The following POLL variants were observed in gnomAD, a reference collection of about 807,000 sequenced individuals.
POLL encodes the protein DNA polymerase lambda, also known as DNA polymerase beta-2.
In POLL, 44 loss-of-function variants were observed where a neutral mutation model predicts 58.1. That is an observed-to-expected ratio of 0.76 (90% CI 0.60 to 0.97). The LOEUF (loss-of-function observed/expected upper bound fraction) is 0.97. POLL is among the 50% of genes least tolerant of loss of function. POLL has a pLI of 0.00. For missense variants in POLL, 632 were observed against 736.8 expected, an observed-to-expected ratio of 0.86 and a Z score of 1.65; for synonymous variants, 290 against 283.2, an observed-to-expected ratio of 1.02 and a Z score of -0.24.
At position 101,580,096 on chromosome 10, in the gene POLL, T is replaced by C; in HGVS notation, c.1363+152A>G. ...CTGTTCCATCTCTCCCTGGAGAGGA[T>C]TCCGGCCCCGATAGAGAGATGGGAT... On this transcript the variant is annotated intron_variant, in intron 8 of 8. Coordinates refer to ENST00000370162, the MANE Select transcript of POLL (RefSeq NM_001174084.2). This position sits in a 1 kb window ranked among gnomAD's most constrained non-coding sequence, Gnocchi z 4.1. 1 of 744,994 alleles carries C rather than the reference T, an allele frequency of 1.3e-6. No homozygotes were observed. The highest frequency in any genetic ancestry group is 2.7e-5 in the East Asian group (1 of 37,090). The allele number at this position is 744,994 out of a possible 1,614,324, so 46.1% of individuals were successfully genotyped here.
At chr10:101,587,484 G>C (rs767458721) in intron 1 of POLL, 78 bp from the exon 2 acceptor site, 4 of 1,522,658 alleles carry the variant, frequency 2.6e-6, no homozygotes, top group African/African-American at 1.4e-5. Context: ...CCAGGCTTTG[G>C]GGGTAGCAGC....
intron 7 of POLL, 117 bp downstream of exon 7, chr10:101,582,646 T>C: frequency 9.4e-7 from 1 of 1,059,148 alleles, no homozygotes; most frequent in Non-Finnish European, 1.4e-6. Context: ...CCTCTGGTGA[T>C]CCACAGTTTC....
rs888132377 is a variant in POLL, at chr10:101,579,705, G to A, written c.1476C>T (p.Ile492=). 2.5e-6 allele frequency: 4 copies of A among 1,613,704 alleles called. No individual in the cohort carries two copies. Among genetic ancestry groups the A allele is most frequent in the Admixed American group, 1.7e-5 (1 of 60,002 alleles). ...PGRRHRRLDI[I]VVPYSEFACA... Reference sequence around the variant, plus strand: ...AGGCAAACTCGCTATAGGGCACCACGATGATGTCCAGGCGCCGGTGCCGCC... The same window carrying A: ...AGGCAAACTCGCTATAGGGCACCACAATGATGTCCAGGCGCCGGTGCCGCC... Residue 492 remains isoleucine, a synonymous_variant, in exon 9 of 9, where the codon ATC becomes ATT. Transcript: ENST00000370162. The surrounding 1 kb of genome is among the most constrained non-coding windows in gnomAD (Gnocchi z 4.4).
chr10:101,580,470 C>A lies in POLL; in HGVS notation c.1195-54G>T. ...GGCTGTGCGTGGGGAGCTCCTCTCC[C>A]ACAGCAGTACAAGGGCCTTCCCAGA... is the stretch of plus-strand genomic sequence containing the variant. On this transcript the variant is annotated intron_variant, in intron 7 of 8. Transcript: ENST00000370162. This position sits in a 1 kb window ranked among gnomAD's most constrained non-coding sequence, Gnocchi z 4.1. The A allele has an allele frequency of 6.5e-7, 1 of 1,547,164 alleles. No individual in the cohort carries two copies. Among genetic ancestry groups the A allele is most frequent in the South Asian group, 1.2e-5 (1 of 86,856 alleles).
In POLL at chr10:101,584,746, C is replaced by T. The variant is rs780958322; in HGVS notation, c.747G>A (p.Ala249=). The change falls in exon 5 of 9, where the codon GCG becomes GCA. Residue 249 remains alanine, a synonymous_variant. Coordinates refer to ENST00000370162, the MANE Select transcript of POLL (RefSeq NM_001174084.2). ...CTGTGATATGGAGGTTGTGATTGGT[C>T]GCCTTCTGGCTTGAGGGCTGTGCAC... is the stretch of plus-strand genomic sequence containing the variant. ...WVCAQPSSQK[A]TNHNLHITEK... 8 of 1,613,918 alleles carry T rather than the reference C, an allele frequency of 5.0e-6. No individual in the cohort carries two copies. In the African/African-American group the frequency reaches 9.3e-5, roughly 19 times the overall value.
Position 101,585,967 on chromosome 10 carries a change from TG to T in POLL, c.304del (p.Gln102SerfsTer9). On this transcript the variant is annotated frameshift_variant, in exon 3 of 9. Coordinates refer to ENST00000370162, the MANE Select transcript of POLL (RefSeq NM_001174084.2). LOFTEE classifies it high-confidence loss of function. ...CACCAGCTGAGCACCCGGGGGCAGCTGGGGTAGTCTGAGAAGGCGGAGGGCT... is the reference window on the plus strand; with the variant it reads ...CACCAGCTGAGCACCCGGGGGCAGCTGGGTAGTCTGAGAAGGCGGAGGGCT... ...ERALRLLRLP[Q>X]LPPGAQLVKS... 2 of 1,614,106 alleles carry T rather than the reference TG, an allele frequency of 1.2e-6. No homozygotes were observed. Among genetic ancestry groups the T allele is most frequent in the South Asian group, 1.1e-5 (1 of 91,066 alleles).
rs1280764774 is a variant in POLL, at chr10:101,580,539, T to A, written c.1195-123A>T. The A allele has an allele frequency of 2.4e-6, 2 of 816,914 alleles. No homozygotes were observed. The highest frequency in any genetic ancestry group is 3.9e-6 in the Non-Finnish European group (2 of 518,870). The allele number at this position is 816,914 out of a possible 1,614,324, so 50.6% of individuals were successfully genotyped here. On this transcript the variant is annotated intron_variant, in intron 7 of 8. Coordinates refer to ENST00000370162, the MANE Select transcript of POLL (RefSeq NM_001174084.2). This position sits in a 1 kb window ranked among gnomAD's most constrained non-coding sequence, Gnocchi z 4.1. Reference sequence around the variant, plus strand: ...GCTTATGCCCATTCCAGATGCCTGCTGCAAGCCCAGGGGAATCCACCCTGA... The same window carrying A: ...GCTTATGCCCATTCCAGATGCCTGCAGCAAGCCCAGGGGAATCCACCCTGA...
chr10:101,583,390 T>C, intron 6 of POLL, 118 bp downstream of exon 6: 1 of 1,108,542 alleles, frequency 9.0e-7, no homozygotes. Context: ...CTCCCTATAC[T>C]GTGGGTGCAT....
At position 101,580,688 on chromosome 10, in the gene POLL, GC is replaced by G; in HGVS notation, c.1195-273del. 2.5e-6 allele frequency: 1 copy of G among 402,490 alleles called. No individual in the cohort carries two copies. The highest frequency in any genetic ancestry group is 2.0e-5 in the African/African-American group (1 of 48,806). The allele number at this position is 402,490 out of a possible 1,614,324, so 24.9% of individuals were successfully genotyped here. A position where few individuals can be genotyped will look rare whatever the true frequency, so the allele number is the denominator to read the frequency against. On this transcript the variant is annotated intron_variant, in intron 7 of 8. Transcript: ENST00000370162. The surrounding 1 kb of genome is among the most constrained non-coding windows in gnomAD (Gnocchi z 4.1). Reference sequence around the variant, plus strand: ...GCTTCTGAGAGTGGGCACTGAGCTTGCCCTGTGGAGCTCTTTAAGAGTAGGG... The same window carrying G: ...GCTTCTGAGAGTGGGCACTGAGCTTGCCTGTGGAGCTCTTTAAGAGTAGGG...
In POLL at chr10:101,587,968, G is replaced by A; in HGVS notation, c.-193C>T. On this transcript the variant is annotated 5_prime_UTR_variant, in exon 1 of 9. Transcript: ENST00000370162. The stretch of plus-strand genomic sequence containing the variant: ...GGGGCACGGCCGCAGCAGGTGTGGG[G>A]AGCCCTCCGGGAATGGAGGAGTCTC... The A allele has an allele frequency of 7.8e-7, 1 of 1,279,382 alleles. No individual in the cohort carries two copies. Among genetic ancestry groups the A allele is most frequent in the Non-Finnish European group, 1.0e-6 (1 of 985,612 alleles). The allele number at this position is 1,279,382 out of a possible 1,614,324, so 79.3% of individuals were successfully genotyped here. A position where few individuals can be genotyped will look rare whatever the true frequency, so the allele number is the denominator to read the frequency against.
rs2063431184 is a variant in POLL, at chr10:101,587,380, G to A, written c.-20C>T. 3.7e-6 allele frequency: 6 copies of A among 1,613,390 alleles called. No homozygotes were observed. The highest frequency in any genetic ancestry group is 4.2e-6 in the Non-Finnish European group (5 of 1,179,708). The stretch of plus-strand genomic sequence containing the variant: ...ATCCATTGAAGTATGGCTGGATCCC[G>A]GCCTATTGGAGCGTTGGTCAGGGCT... On this transcript the variant is annotated 5_prime_UTR_variant, in exon 2 of 9. Transcript: ENST00000370162.
chr10:101,586,794 C>A (rs949545665), intron 2 of POLL, among the ~76,000 whole-genome samples: 1 of 152,214 alleles, frequency 6.6e-6, no homozygotes, highest in Non-Finnish European at 1.5e-5. Flanking sequence ...CGCGCCCAGC[C>A]TCTCTCCATA....
intron 7 of POLL, chr10:101,581,957 C>T (rs1246834991): frequency 6.6e-6 from 1 of 152,176 alleles, no homozygotes. Flanking sequence ...AGGCATGAGC[C>T]ACGGCACCCG....
chr10:101,579,387 G>A lies in POLL; in HGVS notation c.*66C>T. 1 of 1,518,528 alleles carries A rather than the reference G, an allele frequency of 6.6e-7. No homozygotes were observed. The highest frequency in any genetic ancestry group is 2.1e-5 in the Admixed American group (1 of 48,716). The allele number at this position is 1,518,528 out of a possible 1,614,324, so 94.1% of individuals were successfully genotyped here. A position where few individuals can be genotyped will look rare whatever the true frequency, so the allele number is the denominator to read the frequency against. ...AGGTTCAGCCAGCTGAGGCTGGAGG[G>A]AGTACTGGGTGGCCAGGAGGGGTAG... On this transcript the variant is annotated 3_prime_UTR_variant, in exon 9 of 9. Coordinates refer to ENST00000370162, the MANE Select transcript of POLL (RefSeq NM_001174084.2). This position sits in a 1 kb window ranked among gnomAD's most constrained non-coding sequence, Gnocchi z 4.4.
intron 1 of POLL, 194 bp downstream of exon 1, chr10:101,587,628 T>G: frequency 1.0e-6 from 1 of 993,804 alleles, no homozygotes; most frequent in Non-Finnish European, 1.4e-6. Context: ...GCTGGTGCCA[T>G]CGGGGGTACT....
rs367651179 is a variant in POLL, at chr10:101,583,613, C to T, written c.960G>A (p.Gly320=). Residue 320 remains glycine, a synonymous_variant, in exon 6 of 9, where the codon GGG becomes GGA. Coordinates refer to ENST00000370162, the MANE Select transcript of POLL (RefSeq NM_001174084.2). ...TGATATGGTCCAGCTTCCGCAAATG[C>T]CCGCTCTCCAGGATCTCTATGATTT... ...AEKIIEILES[G]HLRKLDHISE... 1.3e-4 allele frequency: 210 copies of T among 1,614,038 alleles called. No homozygotes were observed. The highest frequency in any genetic ancestry group is 1.7e-4 in the Non-Finnish European group (200 of 1,180,032).
rs529724242 is a variant in POLL at position 101,583,670 on chromosome 10, A to C, written c.903T>G (p.Ser301Arg). 1.5e-4 allele frequency: 245 copies of C among 1,614,100 alleles called. 1 individual carries two copies. In the South Asian group the frequency reaches 2.5e-3, roughly 17 times the overall value. ...CCATCCGCTTCCCAATCCCAGGGATACTGCAGGCCTCCTAGAGGAGGAGGA... is the reference window on the plus strand; with the variant it reads ...CCATCCGCTTCCCAATCCCAGGGATCCTGCAGGCCTCCTAGAGGAGGAGGA... ...KPVTSYQEAC[S>R]IPGIGKRMAE... The change falls in exon 6 of 9, where the codon AGT (serine) becomes AGG (arginine). Residue 301 changes from serine to arginine, a missense_variant. Transcript: ENST00000370162.
intron 6 of POLL, 74 bp from the exon 7 acceptor site, chr10:101,582,965 A>C (rs1362737500): frequency 6.3e-6 from 10 of 1,583,360 alleles, no homozygotes; most frequent in Non-Finnish European, 7.8e-6. Flanking sequence ...GCACACACAC[A>C]AGGCTTCCAT....
Sources: gnomAD v4.1 joint callset for allele counts (sites outside exome capture counted in the v4.1 genomes callset) on GRCh38, gnomAD v4.1.1 for gene constraint, Gnocchi (gnomAD v3.1) non-coding constraint, MANE v1.5 for transcripts, NCBI Gene and HGNC (gene_info 2026-07-23, HGNC 2026-07-21) for gene names.